FHIT: variants seen among roughly 807,000 people sequenced by gnomAD.
FHIT encodes the protein fragile histidine triad diadenosine triphosphatase.
Under a neutral mutation model 17.9 loss-of-function variants are expected in FHIT, and 19 were observed. The observed-to-expected ratio is 1.06, with a 90% CI of 0.74 to 1.56. FHIT has a LOEUF of 1.56. Among genes scored for constraint, FHIT ranks in the 40% most tolerant of loss-of-function variants. The pLI, the probability that FHIT is intolerant of heterozygous loss-of-function variation, is 0.00. For synonymous variants in FHIT, 81 were observed against 69.7 expected (o/e 1.16, Z -0.81); for missense variants, 248 against 189.2 (o/e 1.31, Z -1.82).
intron 3 of FHIT, among the ~76,000 whole-genome samples, chr3:60,877,695 T>C (rs1411616583): frequency 2.6e-5 from 4 of 152,092 alleles, no homozygotes; most frequent in East Asian, 1.9e-4. Flanking sequence ...GCTGATGTAG[T>C]ATCTTGTGTC....
intron 4 of FHIT, among the ~76,000 whole-genome samples, chr3:60,548,038 A>G (rs192629187): frequency 3.5e-4 from 54 of 152,246 alleles, no homozygotes; most frequent in Admixed American, 1.7e-3. Flanking sequence ...CATTTGAGTC[A>G]GTGGGCTGGG....
At chr3:60,192,045 G>A (rs1433186709) in intron 5 of FHIT, among the ~76,000 whole-genome samples, 1 of 152,006 alleles carries the variant, frequency 6.6e-6, no homozygotes, top group African/African-American at 2.4e-5. Flanking sequence ...GAGACCAGGA[G>A]TTCGAGACCA....
intron 4 of FHIT, among the ~76,000 whole-genome samples, chr3:60,603,864 A>C (rs2038523214): frequency 6.6e-6 from 1 of 152,108 alleles, no homozygotes; most frequent in Non-Finnish European, 1.5e-5. Context: ...TCCTTTAATT[A>C]GCAGTACCTA....
intron 5 of FHIT, among the ~76,000 whole-genome samples, chr3:60,523,454 G>C (rs2035450942): frequency 6.6e-6 from 1 of 151,902 alleles, no homozygotes; most frequent in Non-Finnish European, 1.5e-5. Flanking sequence ...GATTATTATA[G>C]AAATAATAAA....
At chr3:60,664,309 T>C (rs1222935435) in intron 4 of FHIT, among the ~76,000 whole-genome samples, 1 of 152,140 alleles carries the variant, frequency 6.6e-6, no homozygotes, top group Non-Finnish European at 1.5e-5. Flanking sequence ...CAACCTTACA[T>C]ACCTGGCATA....
chr3:60,579,162 T>C (rs782124889), intron 4 of FHIT, among the ~76,000 whole-genome samples: 1 of 152,150 alleles, frequency 6.6e-6, no homozygotes, highest in Non-Finnish European at 1.5e-5. Flanking sequence ...AATTTTGTCA[T>C]AGCACAAACA....
At position 60,630,540 on chromosome 3, in the gene FHIT, C is replaced by T. The variant is rs75870404; in HGVS notation, c.-17-93561G>A. ...TAACACAAAAAAGGAGTCACTGTACCACCACCACAAGCCTCTCTGGGAACT... is the reference window on the plus strand; with the variant it reads ...TAACACAAAAAAGGAGTCACTGTACTACCACCACAAGCCTCTCTGGGAACT... On this transcript the variant is annotated intron_variant, in intron 4 of 9. Transcript: ENST00000492590. Among the ~76,000 whole-genome samples, 2,450 of 152,204 alleles carry T rather than the reference C, an allele frequency of 0.016. 207 individuals carry two copies. In the East Asian group the frequency reaches 0.24, roughly 15 times the overall value.
chr3:60,022,590 C>A (rs1425261231), intron 5 of FHIT, among the ~76,000 whole-genome samples: 1 of 152,164 alleles, frequency 6.6e-6, no homozygotes, highest in East Asian at 1.9e-4. Flanking sequence ...GCATCGTGGT[C>A]ACAGTGACTA....
chr3:60,293,521 G>C (rs1027204642), intron 5 of FHIT, among the ~76,000 whole-genome samples: 4 of 152,088 alleles, frequency 2.6e-5, no homozygotes, highest in Non-Finnish European at 2.9e-5. Context: ...TCACTTAATG[G>C]GGAAGGAGGT....
chr3:59,846,433 A>T (rs911902368), intron 8 of FHIT, among the ~76,000 whole-genome samples: 2 of 152,136 alleles, frequency 1.3e-5, no homozygotes, highest in African/African-American at 4.8e-5. Context: ...TTACATCTAT[A>T]TATCTTGACT....
intron 5 of FHIT, among the ~76,000 whole-genome samples, chr3:60,241,411 C>A (rs1274884332): frequency 6.6e-6 from 1 of 152,104 alleles, no homozygotes; most frequent in Non-Finnish European, 1.5e-5. Context: ...ATTTTAAGTA[C>A]TGTCCCCTAA....
At chr3:60,616,598 A>C (rs1287502750) in intron 4 of FHIT, among the ~76,000 whole-genome samples, 1 of 149,904 alleles carries the variant, frequency 6.7e-6, no homozygotes, top group Non-Finnish European at 1.5e-5. Flanking sequence ...AATGCCAAAA[A>C]TTTAAATACT....
chr3:60,130,784 G>GTGTGTATATACACATATATGTGTGTGTGT (rs148356992), intron 5 of FHIT, among the ~76,000 whole-genome samples: 2 of 111,628 alleles, frequency 1.8e-5, no homozygotes, highest in Non-Finnish European at 4.1e-5. Flanking sequence ...GTGTGTGTGT[G>GTGTGTATATACACATATATGTGTGTGTGT]GTGTGTATAT....
intron 2 of FHIT, among the ~76,000 whole-genome samples, chr3:61,145,888 G>A (rs1246498064): frequency 3.9e-5 from 6 of 151,940 alleles, no homozygotes; most frequent in Non-Finnish European, 8.8e-5. Context: ...AACTCGTTTA[G>A]TAGTTCCAAT....
chr3:61,095,109 G>A (rs1347852), intron 2 of FHIT, among the ~76,000 whole-genome samples: 1,572 of 151,998 alleles, frequency 0.01, 19 homozygotes, highest in African/African-American at 0.034. Flanking sequence ...CTCTAACTAC[G>A]TATGGCACAC....
intron 3 of FHIT, among the ~76,000 whole-genome samples, chr3:61,029,080 C>T (rs1438671615): frequency 6.6e-6 from 1 of 151,978 alleles, no homozygotes; most frequent in African/African-American, 2.4e-5. Context: ...AAAAACGAAA[C>T]AAAATCAGGC....
intron 4 of FHIT, among the ~76,000 whole-genome samples, chr3:60,601,499 G>C (rs145446401): frequency 1.1e-4 from 17 of 152,226 alleles, no homozygotes; most frequent in African/African-American, 3.6e-4. Context: ...GAATAGGGAA[G>C]ACAAACTAGT....
chr3:60,009,163 T>TTGTGTGTGTGTG (rs781608497), intron 7 of FHIT, among the ~76,000 whole-genome samples: 3 of 128,784 alleles, frequency 2.3e-5, no homozygotes, highest in Admixed American at 7.9e-5. Flanking sequence ...CTCTGGGATT[T>TTGTGTGTGTGTG]TATGTGTGTG....
chr3:59,774,010 C>T (rs1003979607), intron 8 of FHIT, among the ~76,000 whole-genome samples: 5 of 152,098 alleles, frequency 3.3e-5, no homozygotes, highest in African/African-American at 1.2e-4. Context: ...TAAAATATTA[C>T]AATTAATTTT....
Sources: gnomAD v4.1 joint callset for allele counts (sites outside exome capture counted in the v4.1 genomes callset) on GRCh38, gnomAD v4.1.1 for gene constraint, MANE v1.5 for transcripts, NCBI Gene and HGNC (gene_info 2026-07-23, HGNC 2026-07-21) for gene names.